FAM219B: variants seen among roughly 807,000 people sequenced by gnomAD.
The protein encoded by FAM219B is family with sequence similarity 219 member B.
In FAM219B, 18 loss-of-function variants were observed where a neutral mutation model predicts 19.9. The observed-to-expected ratio is 0.91, with a 90% CI of 0.63 to 1.34. The LOEUF (loss-of-function observed/expected upper bound fraction) is 1.34, where lower values mean the gene tolerates loss of function less well. Ranked by LOEUF, FAM219B falls within the 40% of genes most tolerant of loss-of-function variation. The pLI, the probability that FAM219B is intolerant of heterozygous loss-of-function variation, is 0.00. For synonymous variants in FAM219B, 123 were observed against 117.5 expected (o/e 1.05, Z -0.30); for missense variants, 283 against 270.5 (o/e 1.05, Z -0.32).
Position 74,902,673 on chromosome 15 carries a change from T to G in FAM219B, c.543A>C (p.Thr181=), listed in dbSNP as rs1567277833. Residue 181 remains threonine, a synonymous_variant, in exon 5 of 5, where the codon ACA becomes ACC. Coordinates refer to ENST00000357635, the MANE Select transcript of FAM219B (RefSeq NM_020447.5). ...CAAGACAGCACCAGCAGCAGGAGCA[T>G]GTTGAAGAGGCCATGGGCTTAGGGG... ...LIPPKPMASS[T]CSCCWCCLGD... is the part of the protein sequence containing the mutation. 1.2e-6 allele frequency: 2 copies of G among 1,613,140 alleles called. No individual in the cohort carries two copies. The highest frequency in any genetic ancestry group is 8.5e-7 in the Non-Finnish European group (1 of 1,179,562).
chr15:74,903,772 G>A (rs1214918199), intron 4 of FAM219B, among the ~76,000 whole-genome samples: 3 of 152,104 alleles, frequency 2.0e-5, no homozygotes, highest in Non-Finnish European at 2.9e-5. Flanking sequence ...ATTTCCAGGA[G>A]AGTAAGAAAA....
At chr15:74,899,029 A>C (rs1016518453), downstream of FAM219B, 10 of 152,228 alleles carry the variant, frequency 6.6e-5, no homozygotes, top group African/African-American at 2.4e-4. Flanking sequence ...TCTCTACAAC[A>C]TACTCAACTG....
At chr15:74,899,081 C>T (rs545232250), downstream of FAM219B, 2 of 152,370 alleles carry the variant, frequency 1.3e-5, no homozygotes, top group East Asian at 3.9e-4. Context: ...AGACAATTTT[C>T]ATGGCGAGGA....
chr15:74,905,825 T>C (rs1472203088), intron 2 of FAM219B: 1 of 167,368 alleles, frequency 6.0e-6, no homozygotes, highest in Non-Finnish European at 1.3e-5. Flanking sequence ...ACTGCAAGTC[T>C]TTGGGTAAAA....
chr15:74,898,375 C>A (rs572840068), downstream of FAM219B: 1 of 169,920 alleles, frequency 5.9e-6, no homozygotes, highest in Non-Finnish European at 1.3e-5. Context: ...TCCAGAACAC[C>A]GGTATGGGAA....
Position 74,900,086 on chromosome 15 carries a change from C to T in FAM219B, c.*2533G>A, listed in dbSNP as rs1314634823. The T allele has an allele frequency of 6.6e-6, 1 of 152,284 alleles. No homozygotes were observed. The highest frequency in any genetic ancestry group is 1.9e-4 in the East Asian group (1 of 5,202). The allele number at this position is 152,284 out of a possible 1,614,324, so 9.4% of individuals were successfully genotyped here. ...AGTACATAAACACCATATGGTACCACTCCTGCTGGGAGGTAAGCCTGGATA... is the reference window on the plus strand; with the variant it reads ...AGTACATAAACACCATATGGTACCATTCCTGCTGGGAGGTAAGCCTGGATA... On this transcript the variant is annotated 3_prime_UTR_variant, in exon 5 of 5. Transcript: ENST00000357635.
Position 74,906,156 on chromosome 15 carries a change from C to T in FAM219B, c.302+122G>A, listed in dbSNP as rs1264236001. On this transcript the variant is annotated intron_variant, in intron 2 of 4. Transcript: ENST00000357635. Reference sequence around the variant, plus strand: ...CTCTTCCCATTTTAAAGATAGTGAACCTGACAGGTTGCATCAGGGGAATCG... The same window carrying T: ...CTCTTCCCATTTTAAAGATAGTGAATCTGACAGGTTGCATCAGGGGAATCG... 9 of 936,244 alleles carry T rather than the reference C, an allele frequency of 9.6e-6. No homozygotes were observed. In the East Asian group the frequency reaches 2.4e-4, roughly 25 times the overall value. The allele number at this position is 936,244 out of a possible 1,614,324, so 58.0% of individuals were successfully genotyped here.
chr15:74,899,635 T>C (rs2064876355), downstream of FAM219B: 1 of 152,202 alleles, frequency 6.6e-6, no homozygotes, highest in Non-Finnish European at 1.5e-5. Context: ...TTCTTAACTT[T>C]TATTTTTTTG....
chr15:74,904,406 G>A (rs1247085561), intron 4 of FAM219B, among the ~76,000 whole-genome samples: 3 of 152,216 alleles, frequency 2.0e-5, no homozygotes, highest in Admixed American at 6.5e-5. Context: ...TGGGACTACA[G>A]GCATGTACCA....
intron 3 of FAM219B, 126 bp from the exon 4 acceptor site, chr15:74,904,838 C>T: frequency 6.9e-7 from 1 of 1,451,608 alleles, no homozygotes; most frequent in Non-Finnish European, 9.6e-7. Context: ...CAACAGAACT[C>T]AAGTCCGAAC....
At chr15:74,898,018 T>C, downstream of FAM219B, 1 of 484,438 alleles carries the variant, frequency 2.1e-6, no homozygotes, top group East Asian at 4.0e-5. Flanking sequence ...TGTTCCAGCC[T>C]ATGGCTTTAG....
chr15:74,902,696 G>A lies in FAM219B; in HGVS notation c.520C>T (p.Pro174Ser). ...CATGTTGAAGAGGCCATGGGCTTAG[G>A]GGGGATGAGGTCCAAGTCCTCGTCA... ...PDDEDLDLIP[P>S]KPMASSTCSC... Residue 174 changes from proline (P) to serine (S), a missense_variant, in exon 5 of 5, where the codon CCT (proline) becomes TCT (serine). By Grantham distance (74) the Pro-to-Ser change is moderately conservative. Coordinates refer to ENST00000357635, the MANE Select transcript of FAM219B (RefSeq NM_020447.5). 6.2e-7 allele frequency: 1 copy of A among 1,613,246 alleles called. No individual in the cohort carries two copies. Among genetic ancestry groups the A allele is most frequent in the Non-Finnish European group, 8.5e-7 (1 of 1,179,606 alleles).
chr15:74,903,851 A>G (rs1425334801), intron 4 of FAM219B, among the ~76,000 whole-genome samples: 1 of 152,098 alleles, frequency 6.6e-6, no homozygotes, highest in Admixed American at 6.6e-5. Flanking sequence ...ACTTGCCAGG[A>G]TTTTACATCC....
rs746205162 is a variant in FAM219B, at chr15:74,904,719, G to A, written c.381-7C>T. ...GGATCCCAGCTCCCCATCACTAGGA[G>A]AAGAGGAAAACAGTCAGTTCCGGGA... is the stretch of plus-strand genomic sequence containing the variant. On this transcript the variant is annotated splice_polypyrimidine_tract_variant and splice_region_variant and intron_variant, in intron 3 of 4. Coordinates refer to ENST00000357635, the MANE Select transcript of FAM219B (RefSeq NM_020447.5). 6.2e-7 allele frequency: 1 copy of A among 1,614,232 alleles called. No individual in the cohort carries two copies. Among genetic ancestry groups the A allele is most frequent in the Non-Finnish European group, 8.5e-7 (1 of 1,180,034 alleles).
In FAM219B at chr15:74,906,624, G is replaced by A; in HGVS notation, c.177C>T (p.Tyr59=). The change falls in exon 1 of 5, where the codon TAC becomes TAT. Residue 59 remains tyrosine, a synonymous_variant. Coordinates refer to ENST00000357635, the MANE Select transcript of FAM219B (RefSeq NM_020447.5). ...GAATGGAGGGTGCGCGCGTCACCAT[G>A]TATGGCCCCCGCTTTTCCACGGCCG... ...TPAAVEKRGP[Y]MVTRAPSIQA... is the part of the protein sequence containing the mutation. 1.3e-6 allele frequency: 2 copies of A among 1,509,430 alleles called. No individual in the cohort carries two copies. Among genetic ancestry groups the A allele is most frequent in the Non-Finnish European group, 1.8e-6 (2 of 1,132,876 alleles). 93.5% of individuals were successfully genotyped at this position (1,509,430 alleles called of 1,614,324 possible). A position where few individuals can be genotyped will look rare whatever the true frequency, so the allele number is the denominator to read the frequency against.
chr15:74,905,132 T>C (rs756368844), intron 3 of FAM219B, 22 bp downstream of exon 3: 2 of 1,613,612 alleles, frequency 1.2e-6, no homozygotes, highest in Admixed American at 1.7e-5. Context: ...CCCAAGGGGG[T>C]ATTTCCAAGG....
At position 74,902,556 on chromosome 15, in the gene FAM219B, A is replaced by C. The variant is rs1311118532; in HGVS notation, c.*63T>G. 6.7e-7 allele frequency: 1 copy of C among 1,502,258 alleles called. No homozygotes were observed. The highest frequency in any genetic ancestry group is 1.4e-5 in the African/African-American group (1 of 71,828). The allele number at this position is 1,502,258 out of a possible 1,614,324, so 93.1% of individuals were successfully genotyped here. A position where few individuals can be genotyped will look rare whatever the true frequency, so the allele number is the denominator to read the frequency against. On this transcript the variant is annotated 3_prime_UTR_variant, in exon 5 of 5. Transcript: ENST00000357635. ...CAGTGCTCACTGCACTGTGTGAGCT[A>C]TGAGTGGCCAACAGGGCTCTGTAGG... is the stretch of plus-strand genomic sequence containing the variant.
At position 74,903,436 on chromosome 15, in the gene FAM219B, T is replaced by TA. The variant is rs547914713; in HGVS notation, c.430-651dup. 1.6e-4 allele frequency among the ~76,000 whole-genome samples: 24 copies of TA among 151,430 alleles called. No homozygotes were observed. In the South Asian group the frequency reaches 5.0e-3, roughly 32 times the overall value. ...TAACATGGTGAAACCCCATCTCTACTAAAAAATAGAAAAAATTAGCCAGGC... is the reference window on the plus strand; with the variant it reads ...TAACATGGTGAAACCCCATCTCTACTAAAAAAATAGAAAAAATTAGCCAGGC... On this transcript the variant is annotated intron_variant, in intron 4 of 4. Transcript: ENST00000357635.
intron 4 of FAM219B, 107 bp from the exon 5 acceptor site, chr15:74,902,893 C>T: frequency 7.9e-7 from 1 of 1,261,066 alleles, no homozygotes; most frequent in Non-Finnish European, 1.1e-6. Flanking sequence ...GTCCATGTCC[C>T]ACCCCAGGCC....
Sources: gnomAD v4.1 joint callset for allele counts (sites outside exome capture counted in the v4.1 genomes callset) on GRCh38, gnomAD v4.1.1 for gene constraint, MANE v1.5 for transcripts, NCBI Gene and HGNC (gene_info 2026-07-23, HGNC 2026-07-21) for gene names.